The following CCDC3 variants were observed in gnomAD, a reference collection of about 807,000 sequenced individuals.
CCDC3 encodes the protein coiled-coil domain containing 3.
In CCDC3, 24 loss-of-function variants were observed where a neutral mutation model predicts 21.4. The observed-to-expected ratio is 1.12, with a 90% CI of 0.81 to 1.58. CCDC3 has a LOEUF of 1.58. Ranked by LOEUF, CCDC3 falls within the 40% of genes most tolerant of loss-of-function variation. The pLI is 0.00. For synonymous variants in CCDC3, 186 were observed against 166.0 expected (o/e 1.12, Z -0.93); for missense variants, 425 against 360.9 (o/e 1.18, Z -1.44).
At chr10:13,024,422 A>C (rs371547670) in intron 5 of CCDC3, among the ~76,000 whole-genome samples, 1 of 152,112 alleles carries the variant, frequency 6.6e-6, no homozygotes, top group Non-Finnish European at 1.5e-5. Flanking sequence ...TAAGATTCTT[A>C]GTATATTTTG....
intron 2 of CCDC3, among the ~76,000 whole-genome samples, chr10:12,901,048 T>G (rs1730893547): frequency 6.6e-6 from 1 of 152,184 alleles, no homozygotes; most frequent in East Asian, 1.9e-4. Flanking sequence ...ATCCAAGGAC[T>G]GGCTGACACC....
chr10:13,034,539 AAAT>A lies in CCDC3; in HGVS notation c.-2+15132_-2+15134del, dbSNP rs1385810227. Among the ~76,000 whole-genome samples, 610 of 152,008 alleles carry A rather than the reference AAAT, an allele frequency of 4.0e-3. 7 individuals carry two copies. The highest frequency in any genetic ancestry group is 0.014 in the African/African-American group (579 of 41,454). On this transcript the variant is annotated intron_variant, in intron 5 of 6. Transcript: ENST00000378839. Reference sequence around the variant, plus strand: ...AGCCTAGATCTTAAAAAAAAAAAAAAAATGGGTACATTTTTCCAAAAGTTTGGA... The same window carrying A: ...AGCCTAGATCTTAAAAAAAAAAAAAAGGGTACATTTTTCCAAAAGTTTGGA...
chr10:12,923,948 A>C (rs939025043), intron 2 of CCDC3, among the ~76,000 whole-genome samples: 4 of 152,226 alleles, frequency 2.6e-5, no homozygotes, highest in Non-Finnish European at 5.9e-5. Flanking sequence ...TACACTTTGC[A>C]ATGAAGCCAG....
At chr10:13,081,457 A>G (rs1378934245) in intron 3 of CCDC3, among the ~76,000 whole-genome samples, 1 of 152,212 alleles carries the variant, frequency 6.6e-6, no homozygotes, top group Non-Finnish European at 1.5e-5. Context: ...CCGTTCACAC[A>G]GCAGAAAAGG....
intron 5 of CCDC3, among the ~76,000 whole-genome samples, chr10:13,031,150 A>G (rs1369566582): frequency 2.0e-5 from 3 of 152,260 alleles, no homozygotes; most frequent in Non-Finnish European, 2.9e-5. Flanking sequence ...ACTGTCTCTC[A>G]GACCACAGTG....
At chr10:12,920,189 T>C (rs1834426931) in intron 2 of CCDC3, among the ~76,000 whole-genome samples, 1 of 152,128 alleles carries the variant, frequency 6.6e-6, no homozygotes, top group African/African-American at 2.4e-5. Context: ...AAGGCACGTC[T>C]TACATGGCGG....
intron 5 of CCDC3, among the ~76,000 whole-genome samples, chr10:13,047,618 CA>C (rs780488471): frequency 6.6e-6 from 1 of 152,102 alleles, no homozygotes; most frequent in Non-Finnish European, 1.5e-5. Flanking sequence ...TGCCTGGGTA[CA>C]TATAAAGAGA....
At chr10:12,923,577 C>G (rs1406394769) in intron 2 of CCDC3, among the ~76,000 whole-genome samples, 7 of 152,134 alleles carry the variant, frequency 4.6e-5, no homozygotes, top group Non-Finnish European at 8.8e-5. Context: ...ATTAATCCTG[C>G]AGAGGTTAGA....
chr10:12,972,533 G>A (rs1370105684), intron 2 of CCDC3, among the ~76,000 whole-genome samples: 1 of 152,142 alleles, frequency 6.6e-6, no homozygotes, highest in Admixed American at 6.5e-5. Flanking sequence ...ATGAGAAATT[G>A]GGCCAGGCAC....
At chr10:13,065,111 T>C (rs1836807186) in intron 4 of CCDC3, among the ~76,000 whole-genome samples, 1 of 152,204 alleles carries the variant, frequency 6.6e-6, no homozygotes, top group Admixed American at 6.5e-5. Flanking sequence ...AAAATATAGC[T>C]AAAAATAGTA....
intron 2 of CCDC3, among the ~76,000 whole-genome samples, chr10:12,930,982 G>A (rs1169161232): frequency 1.3e-5 from 2 of 152,046 alleles, no homozygotes; most frequent in Admixed American, 6.6e-5. Context: ...AGGCCGAGAC[G>A]GGAGGATCAC....
chr10:13,033,946 G>A (rs1304070593), intron 5 of CCDC3, among the ~76,000 whole-genome samples: 1 of 152,196 alleles, frequency 6.6e-6, no homozygotes, highest in Non-Finnish European at 1.5e-5. Flanking sequence ...ATTCTGCAAA[G>A]ATCTAGAACT....
chr10:13,000,115 A>G (rs1589036215), intron 1 of CCDC3, among the ~76,000 whole-genome samples: 6 of 152,314 alleles, frequency 3.9e-5, no homozygotes, highest in South Asian at 4.1e-4. Context: ...GAATCTGCAG[A>G]CCCACGTCAG....
chr10:12,977,428 A>T (rs11258099), intron 2 of CCDC3, among the ~76,000 whole-genome samples: 74 of 152,346 alleles, frequency 4.9e-4, no homozygotes, highest in Non-Finnish European at 8.2e-4. Flanking sequence ...ACCACTGTCC[A>T]TAAACTTCTC....
At chr10:12,974,721 C>A (rs1835390472) in intron 2 of CCDC3, among the ~76,000 whole-genome samples, 1 of 152,206 alleles carries the variant, frequency 6.6e-6, no homozygotes, top group Non-Finnish European at 1.5e-5. Flanking sequence ...ACCCCCGGAT[C>A]ATTCATTCTT....
chr10:13,036,228 T>C (rs918665844), intron 5 of CCDC3, among the ~76,000 whole-genome samples: 2 of 152,078 alleles, frequency 1.3e-5, no homozygotes, highest in African/African-American at 4.8e-5. Flanking sequence ...GAAGAAATAT[T>C]GTGTTGGGGG....
intron 5 of CCDC3, among the ~76,000 whole-genome samples, chr10:13,008,761 A>C (rs897862200): frequency 6.6e-6 from 1 of 152,256 alleles, no homozygotes; most frequent in Admixed American, 6.5e-5. Context: ...GATAAAACTC[A>C]GTAAGTTAGC....
chr10:13,038,710 GA>G (rs1836411300), intron 5 of CCDC3, among the ~76,000 whole-genome samples: 1 of 152,240 alleles, frequency 6.6e-6, no homozygotes, highest in African/African-American at 2.4e-5. Context: ...CTGCAGATTA[GA>G]AGCAATAATA....
intron 2 of CCDC3, among the ~76,000 whole-genome samples, chr10:12,930,737 C>CT (rs556350993): frequency 3.3e-5 from 5 of 152,316 alleles, no homozygotes; most frequent in African/African-American, 9.6e-5. Flanking sequence ...AAAGATGCTA[C>CT]TAACCATCCC....
Sources: gnomAD v4.1 joint callset for allele counts (sites outside exome capture counted in the v4.1 genomes callset) on GRCh38, gnomAD v4.1.1 for gene constraint, MANE v1.5 for transcripts, NCBI Gene and HGNC (gene_info 2026-07-23, HGNC 2026-07-21) for gene names.